The following ABLIM2 variants were observed in gnomAD, a reference collection of about 807,000 sequenced individuals.
The protein encoded by ABLIM2 is actin binding LIM protein family member 2.
Under a neutral mutation model 97.7 loss-of-function variants are expected in ABLIM2, and 53 were observed. The ratio of observed to expected loss-of-function variants is 0.54; its 90% CI spans 0.44 to 0.68. ABLIM2 has a LOEUF of 0.68. Ranked by LOEUF, ABLIM2 falls within the 30% of genes least tolerant of loss-of-function variation. The pLI, the probability that ABLIM2 is intolerant of heterozygous loss-of-function variation, is 0.00. For missense variants in ABLIM2, 835 were observed against 867.2 expected (o/e 0.96, Z 0.47); for synonymous variants, 361 against 345.8 (o/e 1.04, Z -0.49).
At chr4:8,039,409 T>A (rs898107425) in intron 9 of ABLIM2, among the ~76,000 whole-genome samples, 2 of 152,182 alleles carry the variant, frequency 1.3e-5, no homozygotes, top group African/African-American at 4.8e-5. Context: ...GAGGGCAGCC[T>A]GCACGATGCC....
intron 14 of ABLIM2, among the ~76,000 whole-genome samples, chr4:8,012,694 G>C (rs1015935413): frequency 6.7e-6 from 1 of 150,224 alleles, no homozygotes; most frequent in Non-Finnish European, 1.5e-5. Context: ...CACTTATTTT[G>C]ATATTTATTC....
intron 1 of ABLIM2, among the ~76,000 whole-genome samples, chr4:8,151,063 C>T (rs1712537704): frequency 6.6e-6 from 1 of 152,192 alleles, no homozygotes; most frequent in African/African-American, 2.4e-5. Flanking sequence ...CAGCTGTCAT[C>T]ACCTGTACTT....
Position 8,095,040 on chromosome 4 carries a change from C to T in ABLIM2, c.338+2059G>A, listed in dbSNP as rs1577701912. ...TCTCTCTCCCCCCACTTCTTTCCTT[C>T]CTTCCTTCTTTCTTTCTTTCTCTTT... On this transcript the variant is annotated intron_variant, in intron 3 of 20. Transcript: ENST00000447017. The surrounding 1 kb of genome is among the most constrained non-coding windows in gnomAD (Gnocchi z 4.7). Among the ~76,000 whole-genome samples the T allele has an allele frequency of 1.5e-5, 2 of 133,346 alleles. No homozygotes were observed. The highest frequency in any genetic ancestry group is 8.0e-5 in the Admixed American group (1 of 12,576). The allele number at this position is 133,346 out of a possible 152,430, so 87.5% of individuals were successfully genotyped here.
intron 5 of ABLIM2, 22 bp downstream of exon 5, chr4:8,080,654 C>T: frequency 6.3e-7 from 1 of 1,584,522 alleles, no homozygotes; most frequent in Non-Finnish European, 8.6e-7. Flanking sequence ...GAGGCTCTCA[C>T]TAGAGCCCTC....
At chr4:8,040,913 T>C (rs1455390358) in intron 9 of ABLIM2, among the ~76,000 whole-genome samples, 1 of 152,202 alleles carries the variant, frequency 6.6e-6, no homozygotes, top group African/African-American at 2.4e-5. Context: ...AGTCAGCTCA[T>C]ATCTCAGAGT....
rs1259339571 is a variant in ABLIM2, at chr4:8,003,457, G to A, written c.1618+4602C>T. On this transcript the variant is annotated intron_variant, in intron 16 of 20. Transcript: ENST00000447017. This position sits in a 1 kb window ranked among gnomAD's most constrained non-coding sequence, Gnocchi z 4.2. ...CAATATACATCGCTTTCACGCCAGC[G>A]GAAAGTCACACGGTCCCATGTCAGA... is the stretch of plus-strand genomic sequence containing the variant. 3.9e-5 allele frequency among the ~76,000 whole-genome samples: 6 copies of A among 152,070 alleles called. No individual in the cohort carries two copies. The highest frequency in any genetic ancestry group is 1.9e-4 in the East Asian group (1 of 5,194).
intron 2 of ABLIM2, among the ~76,000 whole-genome samples, chr4:8,102,878 G>A (rs562195762): frequency 3.7e-4 from 56 of 152,334 alleles, no homozygotes; most frequent in Non-Finnish European, 6.0e-4. Flanking sequence ...GGGGGTGAAC[G>A]TGTGACCGAG....
In ABLIM2 at chr4:7,995,022, A is replaced by G. The variant is rs1752272151; in HGVS notation, c.1619-2095T>C. Among the ~76,000 whole-genome samples, 2 of 113,224 alleles carry G rather than the reference A, an allele frequency of 1.8e-5. 1 individual carries two copies. Among genetic ancestry groups the G allele is most frequent in the Non-Finnish European group, 4.3e-5 (2 of 46,786 alleles). The allele number at this position is 113,224 out of a possible 152,430, so 74.3% of individuals were successfully genotyped here. A position where few individuals can be genotyped will look rare whatever the true frequency, so the allele number is the denominator to read the frequency against. On this transcript the variant is annotated intron_variant, in intron 16 of 20. Transcript: ENST00000447017. ...CATCAAAAAGTGGGCGAAGGACATG[A>G]ACAGACACTTCTCAAAAGAAGACAT...
chr4:8,001,082 G>A lies in ABLIM2; in HGVS notation c.1618+6977C>T, dbSNP rs1450717032. Among the ~76,000 whole-genome samples the A allele has an allele frequency of 6.6e-6, 1 of 152,216 alleles. No individual in the cohort carries two copies. The highest frequency in any genetic ancestry group is 1.5e-5 in the Non-Finnish European group (1 of 68,036). On this transcript the variant is annotated intron_variant, in intron 16 of 20. Transcript: ENST00000447017. This position sits in a 1 kb window ranked among gnomAD's most constrained non-coding sequence, Gnocchi z 4.2. ...GTTTGGAGGCTGTGGCACTGCACAGGTTCGGGTCCCCTCTCTGAGCCTTGG... is the reference window on the plus strand; with the variant it reads ...GTTTGGAGGCTGTGGCACTGCACAGATTCGGGTCCCCTCTCTGAGCCTTGG...
chr4:8,145,658 C>T (rs1302671483), intron 1 of ABLIM2, among the ~76,000 whole-genome samples: 1 of 151,996 alleles, frequency 6.6e-6, no homozygotes, highest in Non-Finnish European at 1.5e-5. Context: ...CTCCTAATTT[C>T]TCATTGGCAA....
intron 1 of ABLIM2, among the ~76,000 whole-genome samples, chr4:8,116,811 C>T (rs1479363804): frequency 9.2e-6 from 1 of 108,618 alleles, no homozygotes; most frequent in Admixed American, 1.1e-4. Context: ...TCTGGAGAAA[C>T]AGCTCCAAAA....
chr4:7,990,479 C>T (rs1560455451), intron 17 of ABLIM2, among the ~76,000 whole-genome samples: 1 of 152,170 alleles, frequency 6.6e-6, no homozygotes. Context: ...AGCAACCACG[C>T]CCCACCTCTC....
In ABLIM2 at chr4:8,095,675, G is replaced by A. The variant is rs1042820510; in HGVS notation, c.338+1424C>T. On this transcript the variant is annotated intron_variant, in intron 3 of 20. Coordinates refer to ENST00000447017, the MANE Select transcript of ABLIM2 (RefSeq NM_001130083.2). This position sits in a 1 kb window ranked among gnomAD's most constrained non-coding sequence, Gnocchi z 4.7. ...CTGGATTACGGGTGTGAGCCTCCGC[G>A]CCCAGCCAGCATGATCTTCCTGAGG... 6.6e-5 allele frequency among the ~76,000 whole-genome samples: 10 copies of A among 152,188 alleles called. No homozygotes were observed. Among genetic ancestry groups the A allele is most frequent in the South Asian group, 2.1e-4 (1 of 4,822 alleles).
chr4:8,062,367 C>T lies in ABLIM2; in HGVS notation c.676-1313G>A, dbSNP rs76708531. On this transcript the variant is annotated intron_variant, in intron 6 of 20. Transcript: ENST00000447017. ...AGCAGGTCACACCACAGCATCTGGCCCCAGAATGTGGGTGAAACAATCATT... is the reference window on the plus strand; with the variant it reads ...AGCAGGTCACACCACAGCATCTGGCTCCAGAATGTGGGTGAAACAATCATT... 7.4e-3 allele frequency among the ~76,000 whole-genome samples: 1,132 copies of T among 152,282 alleles called. 5 individuals are homozygous for T. The highest frequency in any genetic ancestry group is 0.012 in the Non-Finnish European group (796 of 68,028).
chr4:8,098,696 G>A (rs2152683180), intron 2 of ABLIM2, among the ~76,000 whole-genome samples: 1 of 152,240 alleles, frequency 6.6e-6, no homozygotes, highest in South Asian at 2.1e-4. Flanking sequence ...TGTGTCCCTG[G>A]GCAAGTTCCT....
Position 8,043,542 on chromosome 4 carries a change from C to G in ABLIM2, c.900+1622G>C, listed in dbSNP as rs36015355. Among the ~76,000 whole-genome samples the G allele has an allele frequency of 8.6e-5, 13 of 151,770 alleles. No individual in the cohort carries two copies. Among genetic ancestry groups the G allele is most frequent in the African/African-American group, 2.9e-4 (12 of 41,300 alleles). On this transcript the variant is annotated intron_variant, in intron 9 of 20. Transcript: ENST00000447017. The surrounding 1 kb of genome is among the most constrained non-coding windows in gnomAD (Gnocchi z 4.8). ...TTAAAACAAGACCGTTAGGGTGGATCCAATCCAATCTGCCTGGTGTCCTTA... is the reference window on the plus strand; with the variant it reads ...TTAAAACAAGACCGTTAGGGTGGATGCAATCCAATCTGCCTGGTGTCCTTA...
intron 7 of ABLIM2, among the ~76,000 whole-genome samples, chr4:8,059,672 C>A (rs112072808): frequency 6.6e-6 from 1 of 152,020 alleles, no homozygotes; most frequent in Non-Finnish European, 1.5e-5. Flanking sequence ...GAGGCCGAGG[C>A]GGGCAGATTG....
At chr4:7,983,847 T>C (rs1741087945) in intron 18 of ABLIM2, among the ~76,000 whole-genome samples, 1 of 152,222 alleles carries the variant, frequency 6.6e-6, no homozygotes, top group South Asian at 2.1e-4. Context: ...TCTCTGGTGG[T>C]CTGGGCCACC....
rs1480174526 is a variant in ABLIM2 at position 8,124,320 on chromosome 4, C to T, written c.11-17683G>A. Among the ~76,000 whole-genome samples the T allele has an allele frequency of 1.3e-5, 2 of 152,204 alleles. No homozygotes were observed. The highest frequency in any genetic ancestry group is 4.8e-5 in the African/African-American group (2 of 41,456). On this transcript the variant is annotated intron_variant, in intron 1 of 20. Transcript: ENST00000447017. The surrounding 1 kb of genome is among the most constrained non-coding windows in gnomAD (Gnocchi z 6.1). ...CCTGTTTGGAATGCACACTCAATGGCTTTTGGTATTTCACAGAGCTGCGTG... is the reference window on the plus strand; with the variant it reads ...CCTGTTTGGAATGCACACTCAATGGTTTTTGGTATTTCACAGAGCTGCGTG...
Sources: allele counts gnomAD v4.1 joint callset (sites outside exome capture counted in the v4.1 genomes callset), GRCh38; gene constraint gnomAD v4.1.1; non-coding constraint Gnocchi (gnomAD v3.1); transcripts MANE v1.5; gene names NCBI Gene and HGNC (gene_info 2026-07-23, HGNC 2026-07-21).